CCDC91: variants seen among roughly 807,000 people sequenced by gnomAD.
CCDC91 encodes the protein coiled-coil domain-containing protein 91.
Under a neutral mutation model 63.2 loss-of-function variants are expected in CCDC91, and 48 were observed. That is an observed-to-expected ratio of 0.76 (90% CI 0.60 to 0.97). The LOEUF is 0.97. Among genes scored for constraint, CCDC91 ranks in the 50% least tolerant of loss-of-function variants. The probability of loss-of-function intolerance (pLI) is 0.00; values close to 1 mark genes in which losing one functional copy is unlikely to be tolerated. For synonymous variants in CCDC91, 167 were observed against 165.8 expected (o/e 1.01, Z -0.06); for missense variants, 500 against 494.6 (o/e 1.01, Z -0.10).
chr12:28,348,626 A>G (rs760924059), intron 6 of CCDC91, among the ~76,000 whole-genome samples: 8 of 152,068 alleles, frequency 5.3e-5, no homozygotes, highest in Non-Finnish European at 1.2e-4. Context: ...TGTAACAACT[A>G]TTGTTTGGTT....
chr12:28,516,008 G>A (rs1305507906), intron 12 of CCDC91, among the ~76,000 whole-genome samples: 3 of 151,926 alleles, frequency 2.0e-5, no homozygotes, highest in Non-Finnish European at 2.9e-5. Flanking sequence ...GTTCACAGAA[G>A]TATTACAAGA....
chr12:28,466,488 A>G (rs920563617), intron 11 of CCDC91, among the ~76,000 whole-genome samples: 9 of 152,196 alleles, frequency 5.9e-5, no homozygotes, highest in African/African-American at 1.9e-4. Flanking sequence ...CAAATAACAT[A>G]TAATGGAGCT....
At chr12:28,375,503 T>C (rs922943474) in intron 7 of CCDC91, among the ~76,000 whole-genome samples, 1 of 151,840 alleles carries the variant, frequency 6.6e-6, no homozygotes, top group African/African-American at 2.4e-5. Flanking sequence ...ATAAATAGAT[T>C]GCTACAGATT....
At chr12:28,361,100 C>G (rs1051797252) in intron 6 of CCDC91, among the ~76,000 whole-genome samples, 1 of 151,316 alleles carries the variant, frequency 6.6e-6, no homozygotes, top group Non-Finnish European at 1.5e-5. Context: ...TATAATGTCC[C>G]ACATTCGTGC....
intron 2 of CCDC91, among the ~76,000 whole-genome samples, chr12:28,257,564 T>A (rs1946534995): frequency 6.6e-6 from 1 of 152,112 alleles, no homozygotes; most frequent in Admixed American, 6.6e-5. Context: ...ACATGTCTGT[T>A]AGGAAATACT....
At chr12:28,506,301 C>G (rs375638881) in intron 12 of CCDC91, among the ~76,000 whole-genome samples, 1 of 151,936 alleles carries the variant, frequency 6.6e-6, no homozygotes, top group East Asian at 1.9e-4. Context: ...ACAGTGCTCT[C>G]ATAATGAAAA....
chr12:28,414,993 C>T (rs2139789737), intron 8 of CCDC91, among the ~76,000 whole-genome samples: 1 of 152,252 alleles, frequency 6.6e-6, no homozygotes. Context: ...TGGGAAGGCA[C>T]TTTTTCTTAC....
chr12:28,192,060 T>C (rs1453279491), intron 1 of CCDC91, among the ~76,000 whole-genome samples: 1 of 152,252 alleles, frequency 6.6e-6, no homozygotes, highest in African/African-American at 2.4e-5. Flanking sequence ...AGCTTCTTAT[T>C]GGAGTGATCC....
intron 12 of CCDC91, among the ~76,000 whole-genome samples, chr12:28,496,901 A>G (rs1003109644): frequency 2.0e-5 from 3 of 147,010 alleles, no homozygotes; most frequent in African/African-American, 7.4e-5. Flanking sequence ...TATAAGGTAT[A>G]TATACACACA....
intron 8 of CCDC91, among the ~76,000 whole-genome samples, chr12:28,419,302 A>G (rs1947863423): frequency 6.6e-6 from 1 of 152,166 alleles, no homozygotes; most frequent in Admixed American, 6.6e-5. Flanking sequence ...TCTGTGTAGA[A>G]ACAACACTGG....
intron 8 of CCDC91, among the ~76,000 whole-genome samples, chr12:28,402,866 A>T (rs950576266): frequency 1.3e-5 from 2 of 152,002 alleles, no homozygotes; most frequent in Non-Finnish European, 2.9e-5. Flanking sequence ...CGTGTGTTGG[A>T]TTTTTGTAAA....
At chr12:28,301,243 A>G (rs1298382496) in intron 3 of CCDC91, among the ~76,000 whole-genome samples, 1 of 151,576 alleles carries the variant, frequency 6.6e-6, no homozygotes, top group African/African-American at 2.4e-5. Context: ...AAAAGCGTCC[A>G]TCAGTTTCTA....
chr12:28,280,793 A>G (rs1948555538), intron 3 of CCDC91, among the ~76,000 whole-genome samples: 1 of 149,572 alleles, frequency 6.7e-6, no homozygotes, highest in Non-Finnish European at 1.5e-5. Context: ...AACCGGTGCA[A>G]CATAGTGAGA....
intron 1 of CCDC91, among the ~76,000 whole-genome samples, chr12:28,230,494 G>T (rs1253186746): frequency 2.6e-5 from 4 of 152,150 alleles, no homozygotes; most frequent in Admixed American, 6.6e-5. Flanking sequence ...ATAGCTACAT[G>T]CATATTTCTT....
intron 6 of CCDC91, among the ~76,000 whole-genome samples, chr12:28,321,270 A>G (rs1940470896): frequency 6.6e-6 from 1 of 151,780 alleles, no homozygotes; most frequent in Non-Finnish European, 1.5e-5. Flanking sequence ...TTTCCTCAAA[A>G]CTTAGCTGAA....
intron 7 of CCDC91, among the ~76,000 whole-genome samples, chr12:28,371,059 T>A (rs1944587154): frequency 6.6e-6 from 1 of 152,096 alleles, no homozygotes; most frequent in Non-Finnish European, 1.5e-5. Context: ...CATATTTTTT[T>A]ATCTCTAGTA....
chr12:28,305,185 T>C (rs1387673062), intron 3 of CCDC91, among the ~76,000 whole-genome samples: 1 of 152,234 alleles, frequency 6.6e-6, no homozygotes, highest in African/African-American at 2.4e-5. Context: ...CATAAAGCCA[T>C]TGAGTACATG....
At chr12:28,296,198 A>T (rs1949554240) in intron 3 of CCDC91, among the ~76,000 whole-genome samples, 1 of 151,390 alleles carries the variant, frequency 6.6e-6, no homozygotes, top group African/African-American at 2.4e-5. Context: ...ATTTATATTT[A>T]TGTTTATATT....
chr12:28,321,463 A>C (rs572356426), intron 6 of CCDC91, among the ~76,000 whole-genome samples: 1 of 152,008 alleles, frequency 6.6e-6, no homozygotes, highest in Admixed American at 6.6e-5. Context: ...TATGGATTGA[A>C]TGGTTTCCCC....
Sources: gnomAD v4.1 joint callset for allele counts (sites outside exome capture counted in the v4.1 genomes callset) on GRCh38, gnomAD v4.1.1 for gene constraint, MANE v1.5 for transcripts, NCBI Gene and HGNC (gene_info 2026-07-23, HGNC 2026-07-21) for gene names.